ZMYM1: variants seen among roughly 807,000 people sequenced by gnomAD.
ZMYM1 encodes the protein zinc finger MYM-type protein 1.
Under a neutral mutation model 60.0 loss-of-function variants are expected in ZMYM1, and 39 were observed. The ratio of observed to expected loss-of-function variants is 0.65; its 90% confidence interval spans 0.50 to 0.85. The LOEUF (loss-of-function observed/expected upper bound fraction) is 0.85. ZMYM1 is among the 40% of genes least tolerant of loss of function. The probability of loss-of-function intolerance (pLI) is 0.00; values close to 1 mark genes in which losing one functional copy is unlikely to be tolerated. For missense variants in ZMYM1, 1,171 were observed against 1,309.5 expected, an observed-to-expected ratio of 0.89 and a Z score of 1.63; for synonymous variants, 413 against 454.0, an observed-to-expected ratio of 0.91 and a Z score of 1.15.
At chr1:35,118,558 T>C (rs1011849086), downstream of ZMYM1, among the ~76,000 whole-genome samples, 2 of 151,856 alleles carry the variant, frequency 1.3e-5, no homozygotes, top group Admixed American at 6.6e-5. Flanking sequence ...CTAAAAAAAA[T>C]TAGCCAGGCG....
downstream of ZMYM1, among the ~76,000 whole-genome samples, chr1:35,118,102 G>A (rs1156627333): frequency 6.6e-6 from 1 of 152,024 alleles, no homozygotes; most frequent in Non-Finnish European, 1.5e-5. Flanking sequence ...TGAGCCAGGT[G>A]TGGTGGTGGG....
Position 35,112,836 on chromosome 1 carries a change from G to A in ZMYM1, c.1147-141G>A, listed in dbSNP as rs114781928. On this transcript the variant is annotated intron_variant, in intron 9 of 9. Coordinates refer to ENST00000359858, the MANE Select transcript of ZMYM1 (RefSeq NM_024772.5). ...TAGATTGCAAATAAATAAGTTATAC[G>A]TAATTGTTAACGTTTCCCCCTAGTG... 5.0e-3 allele frequency: 3,296 copies of A among 656,086 alleles called. 71 individuals are homozygous for A. The African/African-American group carries it at 0.051, about 10-fold the overall frequency. The allele number at this position is 656,086 out of a possible 1,614,324, so 40.6% of individuals were successfully genotyped here.
At chr1:35,073,164 G>T (rs1368077859) in intron 1 of ZMYM1, among the ~76,000 whole-genome samples, 1 of 150,498 alleles carries the variant, frequency 6.6e-6, no homozygotes, top group Admixed American at 6.6e-5. Context: ...GGGAGCTAAG[G>T]CATGAGAATT....
In ZMYM1 at chr1:35,111,855, G is replaced by A. The variant is rs1644098023; in HGVS notation, c.1045G>A (p.Val349Met). 3 of 1,608,690 alleles carry A rather than the reference G, an allele frequency of 1.9e-6. No homozygotes were observed. The highest frequency in any genetic ancestry group is 2.6e-6 in the Non-Finnish European group (3 of 1,176,410). Residue 349 changes from valine (V) to methionine (M), a missense_variant, in exon 8 of 10, where the codon GTG becomes ATG. Val to Met is a conservative substitution (Grantham distance 21). Transcript: ENST00000359858. ...KDTTPVISNI[V>M]SLADTDVALP... ...TACGACTCCAGTTATAAGCAATATA[G>A]TGTCATTGGCAGACACCGATGTTGC...
chr1:35,075,018 G>A (rs1054880912), upstream of ZMYM1, among the ~76,000 whole-genome samples: 7 of 151,840 alleles, frequency 4.6e-5, no homozygotes, highest in African/African-American at 1.7e-4. Context: ...CCGTCACTGC[G>A]CCCAGCTAAT....
chr1:35,101,212 G>A (rs1475156854), intron 4 of ZMYM1, among the ~76,000 whole-genome samples: 6 of 149,816 alleles, frequency 4.0e-5, no homozygotes, highest in East Asian at 2.0e-4. Flanking sequence ...AGGTTCAAGC[G>A]ATTCTTCTGC....
upstream of ZMYM1, among the ~76,000 whole-genome samples, chr1:35,074,661 C>G (rs1642134274): frequency 6.6e-6 from 1 of 152,130 alleles, no homozygotes; most frequent in Non-Finnish European, 1.5e-5. Flanking sequence ...CCCGCCTCAG[C>G]CTCCCAAAGT....
upstream of ZMYM1, among the ~76,000 whole-genome samples, chr1:35,074,389 G>C (rs1642128691): frequency 1.3e-5 from 2 of 152,074 alleles, no homozygotes; most frequent in African/African-American, 4.8e-5. Flanking sequence ...CCATGGTGTA[G>C]CTAAAGTCTG....
In ZMYM1 at chr1:35,104,351, G is replaced by T. The variant is rs1416515145; in HGVS notation, c.476G>T (p.Cys159Phe). The T allele has an allele frequency of 1.2e-6, 2 of 1,611,798 alleles. No individual in the cohort carries two copies. The highest frequency in any genetic ancestry group is 2.7e-5 in the African/African-American group (2 of 74,740). The stretch of plus-strand genomic sequence containing the variant: ...GTCCAGCTGGAAGACACTACCTCTT[G>T]CAAAACTTTTTGCAGCCTATCTTGT... ...ISVQLEDTTS[C>F]KTFCSLSCLS... The change falls in exon 5 of 10, where the codon TGC (cysteine) becomes TTC (phenylalanine). Residue 159 changes from cysteine to phenylalanine, a missense_variant. Transcript: ENST00000359858.
chr1:35,062,087 C>T (rs1641887653), intron 1 of ZMYM1, among the ~76,000 whole-genome samples: 1 of 152,110 alleles, frequency 6.6e-6, no homozygotes, highest in Non-Finnish European at 1.5e-5. Flanking sequence ...ATCTCGGCCT[C>T]CCAAAGTGCT....
chr1:35,092,752 C>A (rs746925892), intron 1 of ZMYM1, among the ~76,000 whole-genome samples: 9 of 151,958 alleles, frequency 5.9e-5, no homozygotes, highest in Non-Finnish European at 1.2e-4. Context: ...CTCAGCCTAC[C>A]GAGTAGCTGG....
upstream of ZMYM1, among the ~76,000 whole-genome samples, chr1:35,077,017 C>A (rs368431667): frequency 9.2e-5 from 14 of 152,032 alleles, no homozygotes; most frequent in East Asian, 2.7e-3. Flanking sequence ...TTCCTTAGGA[C>A]TTAATCTTTC....
At chr1:35,070,684 G>A (rs1238346233) in intron 1 of ZMYM1, among the ~76,000 whole-genome samples, 3 of 151,892 alleles carry the variant, frequency 2.0e-5, no homozygotes, top group Non-Finnish European at 4.4e-5. Context: ...TCTTCTTCCT[G>A]TTCTTACAAG....
At chr1:35,108,586 C>G (rs1460717027) in intron 6 of ZMYM1, among the ~76,000 whole-genome samples, 1 of 152,040 alleles carries the variant, frequency 6.6e-6, no homozygotes, top group Non-Finnish European at 1.5e-5. Context: ...CTCCTGACCT[C>G]AGATGATCTG....
chr1:35,095,785 C>G lies in ZMYM1; in HGVS notation c.97-34C>G, dbSNP rs754993901. The G allele has an allele frequency of 3.4e-6, 5 of 1,466,194 alleles. No individual in the cohort carries two copies. The South Asian group carries it at 6.3e-5, about 19-fold the overall frequency. The allele number at this position is 1,466,194 out of a possible 1,614,324, so 90.8% of individuals were successfully genotyped here. On this transcript the variant is annotated intron_variant, in intron 2 of 9. Transcript: ENST00000359858. The stretch of plus-strand genomic sequence containing the variant: ...GGTTGTCTTAAATTCATTGTATTCA[C>G]TATTTTTAATTATTATTTTTTTTTT...
At chr1:35,107,502 A>G (rs1460186214) in intron 6 of ZMYM1, among the ~76,000 whole-genome samples, 1 of 150,918 alleles carries the variant, frequency 6.6e-6, no homozygotes, top group Non-Finnish European at 1.5e-5. Flanking sequence ...TTGAGTACCC[A>G]GTTGTTCAGC....
Position 35,115,085 on chromosome 1 carries a change from C to G in ZMYM1, c.3255C>G (p.Asn1085Lys). The stretch of plus-strand genomic sequence containing the variant: ...CAATTACTTCAGCAAGTACTGAGAA[C>G]TCATTTTCTACCCTGCCTCGTCTTA... ...SWPITSASTE[N>K]SFSTLPRLKT... The change falls in exon 10 of 10, where the codon AAC becomes AAG. Residue 1085 changes from asparagine (N) to lysine (K), a missense_variant. Coordinates refer to ENST00000359858, the MANE Select transcript of ZMYM1 (RefSeq NM_024772.5). The G allele has an allele frequency of 6.2e-7, 1 of 1,614,092 alleles. No homozygotes were observed. Among genetic ancestry groups the G allele is most frequent in the Non-Finnish European group, 8.5e-7 (1 of 1,179,976 alleles).
intron 1 of ZMYM1, among the ~76,000 whole-genome samples, chr1:35,069,238 A>G (rs768130119): frequency 1.3e-5 from 2 of 152,132 alleles, no homozygotes; most frequent in Non-Finnish European, 2.9e-5. Context: ...CCTTTTCTCC[A>G]TATCCTCATT....
intron 1 of ZMYM1, among the ~76,000 whole-genome samples, chr1:35,062,110 G>A (rs768420838): frequency 5.3e-5 from 8 of 152,112 alleles, no homozygotes; most frequent in African/African-American, 1.9e-4. Flanking sequence ...GATTACAGGC[G>A]TGAGCCACTG....
Sources: gnomAD v4.1 joint callset for allele counts (sites outside exome capture counted in the v4.1 genomes callset) on GRCh38, gnomAD v4.1.1 for gene constraint, MANE v1.5 for transcripts, NCBI Gene and HGNC (gene_info 2026-07-23, HGNC 2026-07-21) for gene names.